The following STAM variants were observed in gnomAD, a reference collection of about 807,000 sequenced individuals.
The protein encoded by STAM is signal transducing adapter molecule 1.
Under a neutral mutation model 63.4 loss-of-function variants are expected in STAM, and 16 were observed. The ratio of observed to expected loss-of-function variants is 0.25; its 90% CI spans 0.17 to 0.38. STAM has a LOEUF of 0.38. Ranked by LOEUF, STAM falls within the 10% of genes least tolerant of loss-of-function variation. The probability of loss-of-function intolerance (pLI) is 1.00; values close to 1 mark genes in which losing one functional copy is unlikely to be tolerated. For synonymous variants in STAM, 238 were observed against 223.9 expected (o/e 1.06, Z -0.56); for missense variants, 636 against 657.1 (o/e 0.97, Z 0.35).
rs1272598189 is a variant in STAM at position 17,670,600 on chromosome 10, T to C, written c.125+10052T>C. ...GACTGAAATATACCTTAGTGTTACATGGTCTAGAAAACTCAAAATATCATC... is the reference window on the plus strand; with the variant it reads ...GACTGAAATATACCTTAGTGTTACACGGTCTAGAAAACTCAAAATATCATC... On this transcript the variant is annotated intron_variant, in intron 2 of 13. Coordinates refer to ENST00000377524, the MANE Select transcript of STAM (RefSeq NM_003473.4). Among the ~76,000 whole-genome samples the C allele has an allele frequency of 2.0e-5, 3 of 152,198 alleles. No individual in the cohort carries two copies. In the East Asian group the frequency reaches 5.8e-4, roughly 29 times the overall value.
chr10:17,654,232 A>ATTC (rs1564528175), intron 1 of STAM, among the ~76,000 whole-genome samples: 1 of 151,638 alleles, frequency 6.6e-6, no homozygotes, highest in Non-Finnish European at 1.5e-5. Flanking sequence ...TATTATTATT[A>ATTC]TTATTTTTGA....
At chr10:17,654,071 G>A (rs1452870909) in intron 1 of STAM, among the ~76,000 whole-genome samples, 2 of 152,170 alleles carry the variant, frequency 1.3e-5, no homozygotes, top group Non-Finnish European at 2.9e-5. Context: ...CTTATGGAGA[G>A]CTGTGTCTTC....
intron 5 of STAM, among the ~76,000 whole-genome samples, chr10:17,689,067 T>A (rs1835421161): frequency 6.6e-6 from 1 of 152,162 alleles, no homozygotes; most frequent in Admixed American, 6.5e-5. Flanking sequence ...TAGCTTAACT[T>A]TGCTCTCCTG....
intron 2 of STAM, among the ~76,000 whole-genome samples, chr10:17,680,117 T>G (rs573995723): frequency 6.6e-6 from 1 of 152,332 alleles, no homozygotes; most frequent in African/African-American, 2.4e-5. Flanking sequence ...CTCCTTTGCT[T>G]GCTTTGGGTT....
At chr10:17,648,165 A>G in intron 1 of STAM, among the ~76,000 whole-genome samples, 1 of 152,182 alleles carries the variant, frequency 6.6e-6, no homozygotes, top group East Asian at 1.9e-4. Flanking sequence ...TGACAGGTGA[A>G]ACTAGCTGGA....
intron 13 of STAM, among the ~76,000 whole-genome samples, chr10:17,712,804 CT>C (rs1476748446): frequency 1.3e-5 from 2 of 151,950 alleles, no homozygotes; most frequent in Non-Finnish European, 2.9e-5. Flanking sequence ...TTTTTTCTTT[CT>C]TTTTTTAATG....
chr10:17,660,107 A>G (rs1488315789), intron 1 of STAM, among the ~76,000 whole-genome samples: 1 of 152,064 alleles, frequency 6.6e-6, no homozygotes, highest in East Asian at 1.9e-4. Flanking sequence ...AAACATTTTT[A>G]TAAAGATTTA....
chr10:17,652,515 G>A (rs1305453070), intron 1 of STAM, among the ~76,000 whole-genome samples: 1 of 152,116 alleles, frequency 6.6e-6, no homozygotes, highest in Non-Finnish European at 1.5e-5. Context: ...CTGTAAGATA[G>A]CACTCAACTA....
At chr10:17,708,103 G>T (rs539232478) in intron 12 of STAM, among the ~76,000 whole-genome samples, 35 of 152,176 alleles carry the variant, frequency 2.3e-4, no homozygotes, top group African/African-American at 6.3e-4. Flanking sequence ...TGTTAGCCAG[G>T]ATGGTCTCGA....
intron 8 of STAM, among the ~76,000 whole-genome samples, chr10:17,698,457 C>A (rs61842347): frequency 0.019 from 2,890 of 150,688 alleles, 30 homozygotes; most frequent in Middle Eastern, 0.028. Flanking sequence ...AATGCAGCTT[C>A]AATATGAGTT....
chr10:17,693,866 A>C (rs1323512582), intron 6 of STAM, among the ~76,000 whole-genome samples: 2 of 151,502 alleles, frequency 1.3e-5, no homozygotes, highest in African/African-American at 4.9e-5. Flanking sequence ...GCATTGGTAC[A>C]TCTTCAGTTT....
intron 2 of STAM, among the ~76,000 whole-genome samples, chr10:17,672,190 C>T (rs535567518): frequency 7.2e-5 from 11 of 152,238 alleles, no homozygotes; most frequent in South Asian, 2.1e-4. Flanking sequence ...CTGGTGACCG[C>T]GCCTAACATT....
intron 1 of STAM, among the ~76,000 whole-genome samples, chr10:17,657,927 T>C (rs1293583272): frequency 6.6e-6 from 1 of 152,004 alleles, no homozygotes; most frequent in Non-Finnish European, 1.5e-5. Flanking sequence ...AGCTTTTGGT[T>C]GTGCTGATTT....
chr10:17,688,339 T>C (rs1315345239), intron 5 of STAM, among the ~76,000 whole-genome samples, 166 bp downstream of exon 5: 2 of 152,196 alleles, frequency 1.3e-5, no homozygotes, highest in African/African-American at 2.4e-5. Context: ...GTAATACTAG[T>C]TTTCTGGCAT....
At chr10:17,649,700 A>G (rs1554821317) in intron 1 of STAM, among the ~76,000 whole-genome samples, 2 of 152,142 alleles carry the variant, frequency 1.3e-5, no homozygotes, top group African/African-American at 4.8e-5. Context: ...AAACAAATTC[A>G]TCTGTCAGAA....
intron 13 of STAM, among the ~76,000 whole-genome samples, chr10:17,711,658 C>T (rs1302770482): frequency 2.0e-5 from 3 of 152,080 alleles, no homozygotes; most frequent in Non-Finnish European, 4.4e-5. Context: ...GCATGGTACC[C>T]ATGGAGTGAG....
chr10:17,708,311 A>G (rs1191416175), intron 12 of STAM, among the ~76,000 whole-genome samples: 2 of 152,232 alleles, frequency 1.3e-5, no homozygotes, highest in South Asian at 4.1e-4. Context: ...TTTACAAAAA[A>G]GTTTGCTGAC....
In STAM at chr10:17,644,157, T is replaced by A. The variant is rs1833419053; in HGVS notation, c.-183T>A. The A allele has an allele frequency of 1.6e-6, 1 of 644,272 alleles. No individual in the cohort carries two copies. The highest frequency in any genetic ancestry group is 2.8e-6 in the Non-Finnish European group (1 of 363,046). The allele number at this position is 644,272 out of a possible 1,614,324, so 39.9% of individuals were successfully genotyped here. A position where few individuals can be genotyped will look rare whatever the true frequency, so the allele number is the denominator to read the frequency against. Reference sequence around the variant, plus strand: ...CGCGGGGGCTTCCTCGGCTCCTTGCTGTTGCCGCCGCCGCAGCTGCTGCCG... The same window carrying A: ...CGCGGGGGCTTCCTCGGCTCCTTGCAGTTGCCGCCGCCGCAGCTGCTGCCG... On this transcript the variant is annotated 5_prime_UTR_variant, in exon 1 of 14. Transcript: ENST00000377524.
chr10:17,660,756 C>T (rs571298141), intron 2 of STAM, among the ~76,000 whole-genome samples: 1 of 151,576 alleles, frequency 6.6e-6, no homozygotes, highest in African/African-American at 2.4e-5. Context: ...AGTGAGACCC[C>T]GTCTCTTAAA....
Sources: allele counts gnomAD v4.1 joint callset (sites outside exome capture counted in the v4.1 genomes callset), GRCh38; gene constraint gnomAD v4.1.1; transcripts MANE v1.5; gene names NCBI Gene and HGNC (gene_info 2026-07-23, HGNC 2026-07-21).